COMMD1: variants seen among roughly 807,000 people sequenced by gnomAD.
COMMD1 encodes copper metabolism domain containing 1.
Under a neutral mutation model 17.2 loss-of-function variants are expected in COMMD1, and 10 were observed. That is an observed-to-expected ratio of 0.58 (90% confidence interval 0.36 to 0.99). COMMD1 has a LOEUF of 0.99. Among genes scored for constraint, COMMD1 ranks in the 50% least tolerant of loss-of-function variants. The pLI, the probability that COMMD1 is intolerant of heterozygous loss-of-function variation, is 0.01. For missense variants in COMMD1, 270 were observed against 231.8 expected (o/e 1.17, Z -1.07); for synonymous variants, 97 against 91.6 (o/e 1.06, Z -0.34).
intron 2 of COMMD1, among the ~76,000 whole-genome samples, chr2:62,118,679 C>A (rs905432121): frequency 2.0e-5 from 3 of 152,164 alleles, no homozygotes; most frequent in Admixed American, 6.5e-5. Context: ...TTCTAATCCC[C>A]TTCCTCACAG....
chr2:61,909,374 C>T (rs1046804995), intron 1 of COMMD1, among the ~76,000 whole-genome samples: 7 of 152,152 alleles, frequency 4.6e-5, no homozygotes, highest in African/African-American at 1.7e-4. Context: ...TAAGAGATAT[C>T]AGTTCTTTCT....
intron 1 of COMMD1, among the ~76,000 whole-genome samples, chr2:61,927,832 A>G (rs1457151115): frequency 2.0e-5 from 3 of 151,778 alleles, no homozygotes; most frequent in East Asian, 3.9e-4. Context: ...CTGGAGTGCA[A>G]TGGCTCACTG....
At chr2:62,102,964 A>G (rs994812929) in intron 2 of COMMD1, among the ~76,000 whole-genome samples, 2 of 149,562 alleles carry the variant, frequency 1.3e-5, no homozygotes, top group African/African-American at 2.5e-5. Context: ...TTATCCAATC[A>G]TATTTCTTTT....
intron 2 of COMMD1, among the ~76,000 whole-genome samples, chr2:62,005,160 A>G (rs1240424802): frequency 6.6e-6 from 1 of 152,230 alleles, no homozygotes; most frequent in Non-Finnish European, 1.5e-5. Context: ...AAAGCTGCCC[A>G]GATGATTTCA....
At chr2:62,047,802 A>G (rs1670421865) in intron 2 of COMMD1, among the ~76,000 whole-genome samples, 1 of 152,068 alleles carries the variant, frequency 6.6e-6, no homozygotes, top group African/African-American at 2.4e-5. Context: ...GTATTTTTAC[A>G]CTGTATATTT....
In COMMD1 at chr2:62,068,478, TC is replaced by T. The variant is rs571271868; in HGVS notation, c.463-67352del. On this transcript the variant is annotated intron_variant, in intron 2 of 2. Coordinates refer to ENST00000311832, the MANE Select transcript of COMMD1 (RefSeq NM_152516.4). ...TAAAAGAAAAGTAATAAATTAGACTTCATCAAAATTAAAAACTTCTGCTGGA... is the reference window on the plus strand; with the variant it reads ...TAAAAGAAAAGTAATAAATTAGACTTATCAAAATTAAAAACTTCTGCTGGA... Among the ~76,000 whole-genome samples, 238 of 152,228 alleles carry T rather than the reference TC, an allele frequency of 1.6e-3. 2 individuals are homozygous for T. Among genetic ancestry groups the T allele is most frequent in the African/African-American group, 4.5e-3 (188 of 41,546 alleles).
At chr2:62,122,542 A>G (rs568449050) in intron 2 of COMMD1, among the ~76,000 whole-genome samples, 1 of 151,628 alleles carries the variant, frequency 6.6e-6, no homozygotes, top group South Asian at 2.1e-4. Flanking sequence ...TGTATGTCAG[A>G]CTGCTTTGAA....
At chr2:62,130,600 CGTT>C (rs1344556045) in intron 2 of COMMD1, among the ~76,000 whole-genome samples, 6 of 152,190 alleles carry the variant, frequency 3.9e-5, no homozygotes, top group South Asian at 2.1e-4. Flanking sequence ...GAGGATAAAG[CGTT>C]GTGAAAATTT....
chr2:62,011,326 C>T (rs765051483), intron 2 of COMMD1, among the ~76,000 whole-genome samples: 11 of 152,230 alleles, frequency 7.2e-5, no homozygotes, highest in African/African-American at 2.7e-4. Flanking sequence ...AGAACACGTT[C>T]CTCAGCCCCT....
At chr2:61,888,581 A>G, upstream of COMMD1, 2 of 1,545,688 alleles carry the variant, frequency 1.3e-6, no homozygotes, top group South Asian at 2.4e-5. Flanking sequence ...GCAGTGTAAT[A>G]ACGGTAAGCC....
intron 2 of COMMD1, among the ~76,000 whole-genome samples, chr2:62,025,394 G>A (rs561062364): frequency 6.6e-6 from 1 of 152,124 alleles, no homozygotes; most frequent in East Asian, 1.9e-4. Flanking sequence ...GCTGAACATG[G>A]TGGTGCACAC....
intron 2 of COMMD1, among the ~76,000 whole-genome samples, chr2:62,028,401 A>T (rs1465492977): frequency 1.3e-5 from 2 of 151,670 alleles, no homozygotes; most frequent in South Asian, 2.1e-4. Context: ...TTATTTTTTA[A>T]AAAAATAGTT....
intron 1 of COMMD1, among the ~76,000 whole-genome samples, chr2:61,956,872 T>C (rs1172813222): frequency 6.6e-6 from 1 of 152,046 alleles, no homozygotes; most frequent in Non-Finnish European, 1.5e-5. Context: ...TGCCTCAGCC[T>C]CCCAAGTAGC....
intron 1 of COMMD1, among the ~76,000 whole-genome samples, chr2:61,973,647 G>T (rs1671709992): frequency 6.6e-6 from 1 of 151,968 alleles, no homozygotes; most frequent in African/African-American, 2.4e-5. Context: ...AGTATGCTTT[G>T]CATGTCAGTA....
chr2:62,095,442 G>A (rs184909927), intron 2 of COMMD1, among the ~76,000 whole-genome samples: 10 of 152,058 alleles, frequency 6.6e-5, no homozygotes, highest in Non-Finnish European at 1.0e-4. Context: ...AGAGCATCCC[G>A]TACTTATTGG....
intron 1 of COMMD1, among the ~76,000 whole-genome samples, chr2:61,913,366 C>CAAA (rs767142777): frequency 1.7e-4 from 7 of 41,936 alleles, no homozygotes; most frequent in Admixed American, 5.5e-4. Context: ...GACTCCATCT[C>CAAA]AAAAAAAAAA....
upstream of COMMD1, chr2:61,888,546 G>T: frequency 6.3e-7 from 1 of 1,594,056 alleles, no homozygotes; most frequent in Non-Finnish European, 8.5e-7. Context: ...CGGGAAGGAC[G>T]GATGGACCCG....
chr2:61,926,371 G>T (rs1670330318), intron 1 of COMMD1, among the ~76,000 whole-genome samples: 1 of 152,118 alleles, frequency 6.6e-6, no homozygotes, highest in South Asian at 2.1e-4. Flanking sequence ...GTCTTTGAGA[G>T]CCATATCCAG....
At chr2:62,120,532 C>G (rs1352044419) in intron 2 of COMMD1, among the ~76,000 whole-genome samples, 1 of 151,940 alleles carries the variant, frequency 6.6e-6, no homozygotes, top group Non-Finnish European at 1.5e-5. Flanking sequence ...ATTTATTTCT[C>G]CTTCAGTGTG....
Sources: gnomAD v4.1 joint callset for allele counts (sites outside exome capture counted in the v4.1 genomes callset) on GRCh38, gnomAD v4.1.1 for gene constraint, MANE v1.5 for transcripts, NCBI Gene and HGNC (gene_info 2026-07-23, HGNC 2026-07-21) for gene names.